The following GAB2 variants were observed in gnomAD, a reference collection of about 807,000 sequenced individuals.
GAB2 encodes GRB2-associated-binding protein 2.
GAB2 carries 26 observed loss-of-function variants against 65.5 expected under a neutral mutation model. That is an observed-to-expected ratio of 0.40 (90% CI 0.29 to 0.55). The LOEUF (loss-of-function observed/expected upper bound fraction) is 0.55. Ranked by LOEUF, GAB2 falls within the 20% of genes least tolerant of loss-of-function variation. The pLI is 0.53. For missense variants in GAB2, 884 were observed against 875.8 expected (o/e 1.01, Z -0.12); for synonymous variants, 321 against 329.6 (o/e 0.97, Z 0.28).
chr11:78,318,657 AG>A (rs1357930787), intron 1 of GAB2, among the ~76,000 whole-genome samples: 3 of 152,158 alleles, frequency 2.0e-5, no homozygotes, highest in Non-Finnish European at 2.9e-5. Context: ...AAACTCCAGA[AG>A]GTTGGCTCTT....
chr11:78,400,309 G>A (rs1157160367), intron 1 of GAB2, among the ~76,000 whole-genome samples: 2 of 152,108 alleles, frequency 1.3e-5, no homozygotes, highest in Non-Finnish European at 2.9e-5. Flanking sequence ...TCCACACCAA[G>A]AGCATTTGCC....
intron 1 of GAB2, among the ~76,000 whole-genome samples, chr11:78,319,120 G>T (rs776142252): frequency 6.6e-6 from 1 of 152,122 alleles, no homozygotes; most frequent in Non-Finnish European, 1.5e-5. Flanking sequence ...GGCTGTGAGC[G>T]TTTGGATGCA....
At chr11:78,336,989 TCTGA>T (rs1255681693) in intron 1 of GAB2, among the ~76,000 whole-genome samples, 2 of 152,212 alleles carry the variant, frequency 1.3e-5, no homozygotes, top group African/African-American at 4.8e-5. Flanking sequence ...TGCTCAGAAA[TCTGA>T]CTGTGAGTAC....
rs560150951 is a variant in GAB2 at position 78,249,616 on chromosome 11, G to A, written c.620+541C>T. ...AAATTTTCTGTATCTGTGCTGTCTG[G>A]TACAGTAGCCCCTAGACATATGTGT... On this transcript the variant is annotated intron_variant, in intron 3 of 9. Coordinates refer to ENST00000361507, the MANE Select transcript of GAB2 (RefSeq NM_080491.3). Among the ~76,000 whole-genome samples, 5 of 152,292 alleles carry A rather than the reference G, an allele frequency of 3.3e-5. No homozygotes were observed. In the East Asian group the frequency reaches 7.7e-4, roughly 23 times the overall value.
chr11:78,280,180 G>A (rs1866293354), intron 2 of GAB2, among the ~76,000 whole-genome samples: 2 of 152,224 alleles, frequency 1.3e-5, no homozygotes, highest in South Asian at 4.1e-4. Flanking sequence ...AGGGTCAAGT[G>A]TGACTGTGCA....
At chr11:78,318,145 G>T (rs1218217394) in intron 1 of GAB2, 1 of 151,804 alleles carries the variant, frequency 6.6e-6, no homozygotes, top group Non-Finnish European at 1.5e-5. Flanking sequence ...TTACCTACCA[G>T]GGAAAATCCA....
intron 1 of GAB2, among the ~76,000 whole-genome samples, chr11:78,383,232 A>G (rs1205545559): frequency 6.6e-6 from 1 of 151,946 alleles, no homozygotes; most frequent in Admixed American, 6.6e-5. Flanking sequence ...AGACCATGCC[A>G]TTGCACTCCA....
chr11:78,374,453 G>A lies in GAB2; in HGVS notation c.75+43193C>T, dbSNP rs147768829. Among the ~76,000 whole-genome samples the A allele has an allele frequency of 1.8e-3, 281 of 152,218 alleles. 1 individual carries two copies. Among genetic ancestry groups the A allele is most frequent in the Admixed American group, 3.4e-3 (52 of 15,300 alleles). On this transcript the variant is annotated intron_variant, in intron 1 of 9. Transcript: ENST00000361507. ...GGAAAGACTTGGGGGTTACCCGGGG[G>A]GGAACCTGAAGTCCCGGGGTCTAGT...
intron 2 of GAB2, among the ~76,000 whole-genome samples, chr11:78,264,169 C>T (rs943307880): frequency 6.6e-6 from 1 of 152,082 alleles, no homozygotes; most frequent in South Asian, 2.1e-4. Flanking sequence ...CTGCTGGGAT[C>T]ATGACAGAGA....
intron 1 of GAB2, among the ~76,000 whole-genome samples, chr11:78,333,232 A>C (rs1278792857): frequency 6.6e-6 from 1 of 152,174 alleles, no homozygotes; most frequent in Non-Finnish European, 1.5e-5. Flanking sequence ...GATTATAATG[A>C]ATAATTTGAG....
chr11:78,221,791 AG>A lies in GAB2; in HGVS notation c.1659-13del. 6.3e-7 allele frequency: 1 copy of A among 1,592,336 alleles called. No individual in the cohort carries two copies. Among genetic ancestry groups the A allele is most frequent in the Non-Finnish European group, 8.6e-7 (1 of 1,160,588 alleles). On this transcript the variant is annotated splice_polypyrimidine_tract_variant and intron_variant, in intron 7 of 9. Coordinates refer to ENST00000361507, the MANE Select transcript of GAB2 (RefSeq NM_080491.3). Reference sequence around the variant, plus strand: ...AGTTGAAGGTGTGGCTGTTGTGGGAAGGAAGAGTTAACACTGGGGAAGCTGC... The same window carrying A: ...AGTTGAAGGTGTGGCTGTTGTGGGAAGAAGAGTTAACACTGGGGAAGCTGC...
At chr11:78,264,069 T>C (rs189836224) in intron 2 of GAB2, among the ~76,000 whole-genome samples, 41 of 152,286 alleles carry the variant, frequency 2.7e-4, no homozygotes, top group Admixed American at 2.7e-3. Context: ...AAGGTCTGAA[T>C]TATTATTGAC....
At chr11:78,249,690 A>ATTT (rs1240826144) in intron 3 of GAB2, among the ~76,000 whole-genome samples, 6 of 152,212 alleles carry the variant, frequency 3.9e-5, no homozygotes. Flanking sequence ...ACTGAATTTT[A>ATTT]CATTTTATTT....
At chr11:78,308,495 G>A (rs1270189863) in intron 1 of GAB2, among the ~76,000 whole-genome samples, 2 of 152,154 alleles carry the variant, frequency 1.3e-5, no homozygotes, top group Non-Finnish European at 2.9e-5. Context: ...CCATTATCAA[G>A]GAGTTTGAAC....
At chr11:78,261,338 A>C (rs1865725843) in intron 2 of GAB2, among the ~76,000 whole-genome samples, 1 of 152,178 alleles carries the variant, frequency 6.6e-6, no homozygotes, top group Non-Finnish European at 1.5e-5. Context: ...GGCGATCTTC[A>C]ATAAACACAC....
intron 1 of GAB2, among the ~76,000 whole-genome samples, chr11:78,369,855 C>T (rs1213357252): frequency 6.6e-6 from 1 of 152,190 alleles, no homozygotes; most frequent in Non-Finnish European, 1.5e-5. Flanking sequence ...TAAAGGTTAT[C>T]ACCAGATGAT....
At chr11:78,376,131 T>C (rs1343575883) in intron 1 of GAB2, among the ~76,000 whole-genome samples, 2 of 152,226 alleles carry the variant, frequency 1.3e-5, no homozygotes, top group Non-Finnish European at 2.9e-5. Context: ...GGAGACTGTT[T>C]CTTCCTTAGA....
At chr11:78,334,045 T>A (rs969735314) in intron 1 of GAB2, among the ~76,000 whole-genome samples, 4 of 152,206 alleles carry the variant, frequency 2.6e-5, no homozygotes, top group African/African-American at 9.6e-5. Flanking sequence ...CATCTCCTTT[T>A]GGTTCCTTCC....
At position 78,300,695 on chromosome 11, in the gene GAB2, GTTTTTTTTT is replaced by G. The variant is rs769243672; in HGVS notation, c.76-19803_76-19795del. On this transcript the variant is annotated intron_variant, in intron 1 of 9. Coordinates refer to ENST00000361507, the MANE Select transcript of GAB2 (RefSeq NM_080491.3). ...TGGTTTTTTTTTTTGGTTTTTTTTTGTTTTTTTTTTTTTTTTTGAGACAGAGCCTCACTC... is the reference window on the plus strand; with the variant it reads ...TGGTTTTTTTTTTTGGTTTTTTTTTGTTTTTTTTGAGACAGAGCCTCACTC... Among the ~76,000 whole-genome samples, 1,076 of 113,250 alleles carry G rather than the reference GTTTTTTTTT, an allele frequency of 9.5e-3. 13 individuals are homozygous for G. The highest frequency in any genetic ancestry group is 0.032 in the African/African-American group (1,016 of 31,568). 74.3% of individuals were successfully genotyped at this position (113,250 alleles called of 152,430 possible).
Sources: gnomAD v4.1 joint callset for allele counts (sites outside exome capture counted in the v4.1 genomes callset) on GRCh38, gnomAD v4.1.1 for gene constraint, MANE v1.5 for transcripts, NCBI Gene and HGNC (gene_info 2026-07-23, HGNC 2026-07-21) for gene names.